Variants in LINGO2 observed in about 807,000 individuals in gnomAD.
LINGO2 encodes leucine rich repeat and Ig domain containing 2.
A neutral mutation model predicts 30.6 loss-of-function variants in LINGO2; 14 were observed. That is an observed-to-expected ratio of 0.46 (90% CI 0.30 to 0.72). LINGO2 has a LOEUF of 0.72. LINGO2 is among the 30% of genes least tolerant of loss of function. The pLI is 0.07. For missense variants in LINGO2, 729 were observed against 751.7 expected, an observed-to-expected ratio of 0.97 and a Z score of 0.35; for synonymous variants, 317 against 288.5, an observed-to-expected ratio of 1.10 and a Z score of -1.00.
chr9:29,120,788 C>A, the LINGO2 span, among the ~76,000 whole-genome samples: 3 of 152,118 alleles, frequency 2.0e-5, no homozygotes, highest in Non-Finnish European at 4.4e-5. Context: ...ATGTGTGCAA[C>A]TTTAATGTTC....
the LINGO2 span, among the ~76,000 whole-genome samples, chr9:28,778,210 T>C: frequency 6.6e-6 from 1 of 152,216 alleles, no homozygotes; most frequent in Non-Finnish European, 1.5e-5. Context: ...TATATTTCCA[T>C]GTTATTTTAA....
intron 5 of LINGO2, among the ~76,000 whole-genome samples, chr9:27,994,282 G>A (rs1320244807): frequency 6.6e-6 from 1 of 151,794 alleles, no homozygotes; most frequent in Admixed American, 6.6e-5. Flanking sequence ...TTAGTAGAAT[G>A]AAAGAAATAA....
At chr9:27,988,229 T>G (rs2118995403) in intron 5 of LINGO2, among the ~76,000 whole-genome samples, 1 of 152,252 alleles carries the variant, frequency 6.6e-6, no homozygotes, top group South Asian at 2.1e-4. Flanking sequence ...TGTGCCACAT[T>G]TTCTCAATCC....
intron 5 of LINGO2, among the ~76,000 whole-genome samples, chr9:28,006,395 G>A (rs556466950): frequency 3.5e-4 from 54 of 152,218 alleles, no homozygotes; most frequent in African/African-American, 1.3e-3. Context: ...AGTGGAGATT[G>A]CCTTTACAAG....
intron 2 of LINGO2, among the ~76,000 whole-genome samples, chr9:28,472,728 G>A (rs896321095): frequency 2.0e-5 from 3 of 151,686 alleles, no homozygotes; most frequent in African/African-American, 7.3e-5. Context: ...TTTCCATACT[G>A]GTCATATGTT....
the LINGO2 span, among the ~76,000 whole-genome samples, chr9:28,879,568 T>C: frequency 6.6e-6 from 1 of 152,202 alleles, no homozygotes; most frequent in African/African-American, 2.4e-5. Flanking sequence ...CCAGTCATTC[T>C]CACATCATCT....
intron 3 of LINGO2, among the ~76,000 whole-genome samples, chr9:28,316,904 CT>C (rs1824865408): frequency 6.6e-6 from 1 of 152,118 alleles, no homozygotes; most frequent in African/African-American, 2.4e-5. Context: ...AAAGCTCAAT[CT>C]CCATTTTGTT....
At chr9:28,743,234 T>C in the LINGO2 span, among the ~76,000 whole-genome samples, 4 of 152,182 alleles carry the variant, frequency 2.6e-5, no homozygotes, top group Middle Eastern at 3.4e-3. Context: ...ATGCAGATCG[T>C]GCAGGTTTGT....
the LINGO2 span, among the ~76,000 whole-genome samples, chr9:29,023,144 C>A: frequency 6.6e-6 from 1 of 152,056 alleles, no homozygotes; most frequent in Non-Finnish European, 1.5e-5. Context: ...GACCTGGACA[C>A]AACCGCATGG....
the LINGO2 span, among the ~76,000 whole-genome samples, chr9:28,759,147 C>A: frequency 1.3e-5 from 2 of 151,934 alleles, no homozygotes; most frequent in Non-Finnish European, 2.9e-5. Flanking sequence ...AGCACATCAA[C>A]AAAATGTCAA....
the LINGO2 span, among the ~76,000 whole-genome samples, chr9:28,983,922 G>A: frequency 4.0e-5 from 6 of 151,882 alleles, no homozygotes; most frequent in African/African-American, 1.2e-4. Flanking sequence ...TATCATCCTT[G>A]GTCTGTATCT....
the LINGO2 span, among the ~76,000 whole-genome samples, chr9:29,025,619 G>C: frequency 1.3e-5 from 2 of 152,102 alleles, no homozygotes; most frequent in African/African-American, 4.8e-5. Context: ...GACAAAATCA[G>C]GTTAGTGAAT....
chr9:28,651,690 C>G (rs898256143), intron 1 of LINGO2, among the ~76,000 whole-genome samples: 1 of 152,064 alleles, frequency 6.6e-6, no homozygotes, highest in Non-Finnish European at 1.5e-5. Flanking sequence ...AAAACAACAG[C>G]CTTTAGCATC....
chr9:28,289,304 T>C (rs1222995505), intron 4 of LINGO2, among the ~76,000 whole-genome samples: 2 of 152,210 alleles, frequency 1.3e-5, no homozygotes, highest in Non-Finnish European at 2.9e-5. Flanking sequence ...GAAAACATAC[T>C]AATTCACTGT....
chr9:28,167,212 T>C (rs1828455187), intron 4 of LINGO2, among the ~76,000 whole-genome samples: 1 of 143,312 alleles, frequency 7.0e-6, no homozygotes, highest in African/African-American at 2.6e-5. Flanking sequence ...AAGCTGAAAA[T>C]CTGCTTCTAC....
chr9:28,461,971 C>G (rs1825098323), intron 2 of LINGO2, among the ~76,000 whole-genome samples: 1 of 152,112 alleles, frequency 6.6e-6, no homozygotes, highest in Non-Finnish European at 1.5e-5. Context: ...GTGACTTAGT[C>G]TAATGTTACA....
chr9:29,044,928 T>C, the LINGO2 span, among the ~76,000 whole-genome samples: 2 of 152,114 alleles, frequency 1.3e-5, no homozygotes, highest in African/African-American at 4.8e-5. Context: ...CAACATACTC[T>C]AGTACAAGTA....
At chr9:28,509,809 C>T (rs1048128411) in intron 1 of LINGO2, among the ~76,000 whole-genome samples, 1 of 152,228 alleles carries the variant, frequency 6.6e-6, no homozygotes, top group Non-Finnish European at 1.5e-5. Context: ...TTGTTTTAGT[C>T]ATACAGTCTG....
At chr9:28,769,510 A>T in the LINGO2 span, among the ~76,000 whole-genome samples, 5 of 2,398 alleles carry the variant, frequency 2.1e-3, no homozygotes, top group African/African-American at 4.3e-3. Context: ...ATATATATAT[A>T]TATATATATT....
Sources: allele counts gnomAD v4.1 joint callset (sites outside exome capture counted in the v4.1 genomes callset), GRCh38; gene constraint gnomAD v4.1.1; transcripts MANE v1.5; gene names NCBI Gene and HGNC (gene_info 2026-07-23, HGNC 2026-07-21).